TRPV4: variants seen among roughly 807,000 people sequenced by gnomAD.
TRPV4 encodes OSM9-like transient receptor potential channel 4.
In TRPV4, 58 loss-of-function variants were observed where a neutral mutation model predicts 84.1. The observed-to-expected ratio is 0.69, with a 90% CI of 0.56 to 0.86. TRPV4 has a LOEUF of 0.86. TRPV4 is among the 40% of genes least tolerant of loss of function. The pLI is 0.00. For synonymous variants in TRPV4, 489 were observed against 500.9 expected, an observed-to-expected ratio of 0.98 and a Z score of 0.32; for missense variants, 879 against 1,181.1, an observed-to-expected ratio of 0.74 and a Z score of 3.75.
chr12:109,786,810 G>T lies in TRPV4; in HGVS notation c.2236C>A (p.Arg746Ser). Residue 746 changes from arginine to serine, a missense_variant, in exon 14 of 16, where the codon CGC becomes AGC. By Grantham distance (110) the Arg-to-Ser change is moderately radical. This residue lies in a region of TRPV4 where 242 missense variants were observed against 355.3 expected (regional missense o/e 0.68). Coordinates refer to ENST00000261740, the MANE Select transcript of TRPV4 (RefSeq NM_021625.5). The surrounding 1 kb of genome is among the most constrained non-coding windows in gnomAD (Gnocchi z 4.5). ...TTCCTCAGGAATACGGGGAAGGAGC[G>T]CTCAATGTCCAGGATGGTGGTGGCC... ...QWATTILDIE[R>S]SFPVFLRKAF... 2 of 1,613,990 alleles carry T rather than the reference G, an allele frequency of 1.2e-6. No homozygotes were observed. The highest frequency in any genetic ancestry group is 1.7e-6 in the Non-Finnish European group (2 of 1,180,002).
At chr12:109,789,503 C>T (rs144636207) in intron 12 of TRPV4, among the ~76,000 whole-genome samples, 1 of 152,292 alleles carries the variant, frequency 6.6e-6, no homozygotes, top group Non-Finnish European at 1.5e-5. Context: ...TCCTGACTGT[C>T]CCCAAAGCCG....
At chr12:109,791,871 C>T (rs1015724030) in intron 12 of TRPV4, among the ~76,000 whole-genome samples, 1 of 151,994 alleles carries the variant, frequency 6.6e-6, no homozygotes, top group African/African-American at 2.4e-5. Flanking sequence ...AATAAAGGCA[C>T]TTAGCTTACA....
At chr12:109,808,491 T>C (rs1206025032) in intron 2 of TRPV4, 23 bp from the exon 3 acceptor site, 2 of 1,605,022 alleles carry the variant, frequency 1.2e-6, no homozygotes, top group East Asian at 2.2e-5. Flanking sequence ...GGGAGGCAAG[T>C]TGATGGGAGG....
Position 109,802,994 on chromosome 12 carries a change from G to T in TRPV4, c.709C>A (p.Arg237=). ...CCTGCCCAGCCCGGGGCCCCACCTC[G>T]ATAGTAGATGTCACGGAAGGGCGAG... is the stretch of plus-strand genomic sequence containing the variant. ...INSPFRDIYY[R]GQTALHIAIE... Residue 237 remains arginine (R), a synonymous_variant, in exon 4 of 16, where the codon CGA becomes AGA. Coordinates refer to ENST00000261740, the MANE Select transcript of TRPV4 (RefSeq NM_021625.5). 6.2e-7 allele frequency: 1 copy of T among 1,613,836 alleles called. No individual in the cohort carries two copies. The highest frequency in any genetic ancestry group is 8.5e-7 in the Non-Finnish European group (1 of 1,179,980).
At position 109,783,857 on chromosome 12, in the gene TRPV4, C is replaced by T. The variant is rs191209299; in HGVS notation, c.2459-79G>A. ...GCGTATATTGAGTGCCTACTGTGTA[C>T]TGGGCACTCCACAGTGTTCTGAAGG... On this transcript the variant is annotated intron_variant, in intron 15 of 15. Transcript: ENST00000261740. This position sits in a 1 kb window ranked among gnomAD's most constrained non-coding sequence, Gnocchi z 4.6. The T allele has an allele frequency of 4.0e-6, 6 of 1,503,770 alleles. No homozygotes were observed. The Admixed American group carries it at 8.5e-5, about 21-fold the overall frequency. The allele number at this position is 1,503,770 out of a possible 1,614,324, so 93.2% of individuals were successfully genotyped here.
chr12:109,802,614 A>AT lies in TRPV4; in HGVS notation c.712+376dup, dbSNP rs34679148. On this transcript the variant is annotated intron_variant, in intron 4 of 15. Transcript: ENST00000261740. ...ACCGCACCTGGCCTTCTTTTATTTT[A>AT]TTTTTTTTTTTTTGTATCTTTTGTC... is the stretch of plus-strand genomic sequence containing the variant. Among the ~76,000 whole-genome samples, 694 of 103,512 alleles carry AT rather than the reference A, an allele frequency of 6.7e-3. 34 individuals are homozygous for AT. In the East Asian group the frequency reaches 0.1, roughly 15 times the overall value. 67.9% of individuals were successfully genotyped at this position (103,512 alleles called of 152,430 possible).
chr12:109,792,380 A>G lies in TRPV4; in HGVS notation c.1874T>C (p.Met625Thr), dbSNP rs1890101838. The G allele has an allele frequency of 1.9e-6, 3 of 1,613,784 alleles. No homozygotes were observed. In the African/African-American group the frequency reaches 4.0e-5, roughly 22 times the overall value. The change falls in exon 12 of 16, where the codon ATG (methionine) becomes ACG (threonine). Residue 625 changes from methionine (M) to threonine (T), a missense_variant. Met to Thr is a moderately conservative substitution (Grantham distance 81). This residue lies in a region of TRPV4 where 242 missense variants were observed against 355.3 expected (regional missense o/e 0.68). Coordinates refer to ENST00000261740, the MANE Select transcript of TRPV4 (RefSeq NM_021625.5). The part of the protein sequence containing the change: ...FRFLLVYLLF[M>T]IGYASALVSL... ...GAGCTCACCTGAAGCGTAGCCGATCATGAAGAGCAAGTAGACGAGCAGGAA... is the reference window on the plus strand; with the variant it reads ...GAGCTCACCTGAAGCGTAGCCGATCGTGAAGAGCAAGTAGACGAGCAGGAA...
rs761739726 is a variant in TRPV4 at position 109,814,731 on chromosome 12, C to T, written c.66G>A (p.Glu22=). Residue 22 remains glutamate, a synonymous_variant, in exon 2 of 16, where the codon GAG becomes GAA. Coordinates refer to ENST00000261740, the MANE Select transcript of TRPV4 (RefSeq NM_021625.5). The surrounding 1 kb of genome is among the most constrained non-coding windows in gnomAD (Gnocchi z 5.4). ...PGEVAELPGD[E]SGTPGGEAFP... is the part of the protein sequence containing the mutation. ...AAGCCTCCCCACCTGGGGTGCCACTCTCATCCCCGGGGAGCTCAGCCACCT... is the reference window on the plus strand; with the variant it reads ...AAGCCTCCCCACCTGGGGTGCCACTTTCATCCCCGGGGAGCTCAGCCACCT... 3.1e-6 allele frequency: 5 copies of T among 1,594,632 alleles called. No individual in the cohort carries two copies.
rs960037349 is a variant in TRPV4, at chr12:109,794,320, G to A, written c.1491+9C>T. On this transcript the variant is annotated intron_variant, in intron 8 of 15. Transcript: ENST00000261740. ...TGCCCCAGCCCCTGCCCGGTCCCCG[G>A]GCACTCACTGTGCCCTCCAGCGGCT... 5 of 1,611,130 alleles carry A rather than the reference G, an allele frequency of 3.1e-6. No individual in the cohort carries two copies. The highest frequency in any genetic ancestry group is 3.3e-5 in the Admixed American group (2 of 60,004).
chr12:109,801,310 G>T (rs1890768574), intron 4 of TRPV4, among the ~76,000 whole-genome samples: 1 of 152,230 alleles, frequency 6.6e-6, no homozygotes. Flanking sequence ...ACCTTGAATT[G>T]TAGTTCCCAT....
rs267607143 is a variant in TRPV4, at chr12:109,798,823, G to A, written c.943C>T (p.Arg315Trp). Residue 315 changes from arginine to tryptophan, a missense_variant, in exon 6 of 16, where the codon CGG becomes TGG. Transcript: ENST00000261740. The surrounding 1 kb of genome is among the most constrained non-coding windows in gnomAD (Gnocchi z 5.0). Reference protein sequence around the residue: ...TENPHKKADMRRQDSRGNTVL... With the variant: ...TENPHKKADMWRQDSRGNTVL... The stretch of plus-strand genomic sequence containing the variant: ...GTGTTGCCTCGCGAGTCCTGGCGCC[G>A]CATGTCCGCCTTCTTGTGGGGGTTC... 2 of 1,614,018 alleles carry A rather than the reference G, an allele frequency of 1.2e-6. No individual in the cohort carries two copies. Among genetic ancestry groups the A allele is most frequent in the African/African-American group, 1.3e-5 (1 of 74,918 alleles).
intron 7 of TRPV4, among the ~76,000 whole-genome samples, chr12:109,795,063 A>G (rs536582621): frequency 1.3e-5 from 2 of 152,312 alleles, no homozygotes; most frequent in Admixed American, 6.5e-5. Context: ...CCAAACTCCA[A>G]TCTGTGGATA....
At chr12:109,795,173 A>C (rs927130719) in intron 7 of TRPV4, among the ~76,000 whole-genome samples, 4 of 152,232 alleles carry the variant, frequency 2.6e-5, no homozygotes, top group African/African-American at 9.6e-5. Flanking sequence ...AAAGATTGAG[A>C]AATTTTGCCC....
rs1890710733 is a variant in TRPV4 at position 109,800,598 on chromosome 12, C to T, written c.853+20G>A. On this transcript the variant is annotated intron_variant, in intron 5 of 15. Transcript: ENST00000261740. ...ATGCTTCTCCAGCATGCTGTCAGCC[C>T]CCACCAGGCCCCTCCTTACCAAAGT... 6.2e-7 allele frequency: 1 copy of T among 1,613,906 alleles called. No individual in the cohort carries two copies. Among genetic ancestry groups the T allele is most frequent in the African/African-American group, 1.3e-5 (1 of 74,934 alleles).
At position 109,808,366 on chromosome 12, in the gene TRPV4, A is replaced by G. The variant is rs570160603; in HGVS notation, c.489T>C (p.Thr163=). ...ILFDIVSRGS[T]ADLDGLLPFL... ...ATGGGAGCAGCCCGTCCAGGTCAGC[A>G]GTGGAGCCCCGGGACACGATGTCAA... The change falls in exon 3 of 16, where the codon ACT becomes ACC. Residue 163 remains threonine, a synonymous_variant. Coordinates refer to ENST00000261740, the MANE Select transcript of TRPV4 (RefSeq NM_021625.5). The G allele has an allele frequency of 6.2e-7, 1 of 1,614,212 alleles. No homozygotes were observed. Among genetic ancestry groups the G allele is most frequent in the South Asian group, 1.1e-5 (1 of 91,088 alleles).
At position 109,814,149 on chromosome 12, in the gene TRPV4, G is replaced by A. The variant is rs1341582783; in HGVS notation, c.386+262C>T. On this transcript the variant is annotated intron_variant, in intron 2 of 15. Coordinates refer to ENST00000261740, the MANE Select transcript of TRPV4 (RefSeq NM_021625.5). This position sits in a 1 kb window ranked among gnomAD's most constrained non-coding sequence, Gnocchi z 5.4. ...TGGATGGATGGAGGATATAGAGATG[G>A]AGAGATGAATGGATTGATGGATAGA... Among the ~76,000 whole-genome samples, 1 of 151,862 alleles carries A rather than the reference G, an allele frequency of 6.6e-6. No individual in the cohort carries two copies. The highest frequency in any genetic ancestry group is 1.5e-5 in the Non-Finnish European group (1 of 67,964).
intron 13 of TRPV4, among the ~76,000 whole-genome samples, chr12:109,787,950 G>A (rs981548091): frequency 6.6e-6 from 1 of 152,152 alleles, no homozygotes; most frequent in African/African-American, 2.4e-5. Context: ...GTCCCCATTG[G>A]TTTCTCCTCT....
chr12:109,795,579 C>G (rs370152699), intron 7 of TRPV4, among the ~76,000 whole-genome samples: 1 of 152,060 alleles, frequency 6.6e-6, no homozygotes, highest in East Asian at 1.9e-4. Flanking sequence ...AGTGTTATTC[C>G]TGATAAAGGC....
intron 8 of TRPV4, 135 bp downstream of exon 8, chr12:109,794,194 G>A: frequency 1.6e-6 from 2 of 1,249,840 alleles, no homozygotes; most frequent in Admixed American, 2.0e-5. Context: ...GATGCTGGAG[G>A]GCGCCTCCCC....
Sources: allele counts gnomAD v4.1 joint callset (sites outside exome capture counted in the v4.1 genomes callset), GRCh38; gene constraint gnomAD v4.1.1; regional missense constraint gnomAD v4.1.1; non-coding constraint Gnocchi (gnomAD v3.1); transcripts MANE v1.5; gene names NCBI Gene and HGNC (gene_info 2026-07-23, HGNC 2026-07-21).